Variants in CELF2 observed in about 807,000 individuals in gnomAD.
CELF2 encodes the protein CUGBP Elav-like family member 2.
A neutral mutation model predicts 62.6 loss-of-function variants in CELF2; 8 were observed. That is an observed-to-expected ratio of 0.13 (90% confidence interval 0.07 to 0.23). The LOEUF (loss-of-function observed/expected upper bound fraction) is 0.23, where lower values mean the gene tolerates loss of function less well. Among genes scored for constraint, CELF2 ranks in the 10% least tolerant of loss-of-function variants. The pLI is 1.00. For missense variants in CELF2, 333 were observed against 671.0 expected (o/e 0.50, Z 5.56); for synonymous variants, 258 against 250.0 (o/e 1.03, Z -0.30).
At chr10:10,503,287 T>A in the CELF2 span, among the ~76,000 whole-genome samples, 1,247 of 152,098 alleles carry the variant, frequency 8.2e-3, 21 homozygotes, top group African/African-American at 0.028. Context: ...CTTGCTAATT[T>A]TCTATCTAGT....
rs1035795348 is a variant in CELF2, at chr10:11,178,336, C to T, written c.271+12654C>T. Among the ~76,000 whole-genome samples the T allele has an allele frequency of 8.5e-5, 13 of 152,224 alleles. No homozygotes were observed. Among genetic ancestry groups the T allele is most frequent in the African/African-American group, 2.7e-4 (11 of 41,462 alleles). On this transcript the variant is annotated intron_variant, in intron 2 of 12. Transcript: ENST00000633077. This position sits in a 1 kb window ranked among gnomAD's most constrained non-coding sequence, Gnocchi z 4.3. ...GTGGCGCTGGCTCTTAGCTGTTCTG[C>T]AAGTCCAGCACAGGGTGTATTCAGC...
At chr10:10,706,351 G>C in the CELF2 span, among the ~76,000 whole-genome samples, 1 of 152,176 alleles carries the variant, frequency 6.6e-6, no homozygotes, top group Non-Finnish European at 1.5e-5. Context: ...GTGAATAAAT[G>C]AGTGAATGGA....
At chr10:11,213,005 A>G (rs2062315183) in intron 2 of CELF2, among the ~76,000 whole-genome samples, 1 of 152,220 alleles carries the variant, frequency 6.6e-6, no homozygotes, top group African/African-American at 2.4e-5. Context: ...AGCATTAAGC[A>G]GCAATGGGAG....
At chr10:10,858,487 A>T (rs757019815) in intron 1 of CELF2, among the ~76,000 whole-genome samples, 15 of 152,196 alleles carry the variant, frequency 9.9e-5, no homozygotes, top group Non-Finnish European at 2.9e-5. Context: ...CCTACCCATC[A>T]GAGAAGCCTT....
chr10:10,633,037 C>T, the CELF2 span, among the ~76,000 whole-genome samples: 1 of 152,176 alleles, frequency 6.6e-6, no homozygotes, highest in South Asian at 2.1e-4. Context: ...CATACCTTTC[C>T]TTAAACCAGT....
chr10:11,018,476 G>A (rs1429777585), intron 1 of CELF2, among the ~76,000 whole-genome samples: 5 of 151,030 alleles, frequency 3.3e-5, no homozygotes, highest in Non-Finnish European at 5.9e-5. Flanking sequence ...TCCCCGCGGG[G>A]TGAGTGGGGG....
At chr10:10,635,339 G>GA in the CELF2 span, among the ~76,000 whole-genome samples, 2 of 152,274 alleles carry the variant, frequency 1.3e-5, no homozygotes, top group South Asian at 2.1e-4. Context: ...TCCAGTTCTT[G>GA]AACATATCAG....
chr10:10,493,405 T>C, the CELF2 span, among the ~76,000 whole-genome samples: 11 of 152,036 alleles, frequency 7.2e-5, no homozygotes, highest in African/African-American at 2.7e-4. Context: ...CACTAAACTG[T>C]ACACCTAAAA....
At chr10:10,483,876 TTCTCTCTC>T in the CELF2 span, among the ~76,000 whole-genome samples, 4 of 150,238 alleles carry the variant, frequency 2.7e-5, no homozygotes, top group Non-Finnish European at 4.4e-5. Flanking sequence ...CCTTCCCTCC[TTCTCTCTC>T]TCTCGTCTCT....
At chr10:10,557,421 G>C in the CELF2 span, among the ~76,000 whole-genome samples, 4 of 147,536 alleles carry the variant, frequency 2.7e-5, no homozygotes, top group African/African-American at 7.7e-5. Flanking sequence ...GTACCATGCT[G>C]TTTTGGTTAC....
upstream of CELF2, chr10:11,005,190 A>T: frequency 6.9e-7 from 1 of 1,441,692 alleles, no homozygotes; most frequent in East Asian, 2.5e-5. The surrounding 1 kb of genome is among the most constrained non-coding windows in gnomAD (Gnocchi z 4.3). Context: ...GTGAATCTGC[A>T]GGAGCCCCCT....
chr10:10,472,934 A>G, the CELF2 span, among the ~76,000 whole-genome samples: 6 of 151,924 alleles, frequency 3.9e-5, no homozygotes, highest in Admixed American at 1.3e-4. Context: ...GGGTTCTTCT[A>G]TGAATTTTCT....
At chr10:11,024,911 T>C (rs1239271913) in intron 1 of CELF2, among the ~76,000 whole-genome samples, 2 of 152,232 alleles carry the variant, frequency 1.3e-5, no homozygotes, top group Non-Finnish European at 2.9e-5. Context: ...TACTCCCAAG[T>C]ACTTTGATTT....
At chr10:10,817,339 A>G (rs2056557189) in intron 1 of CELF2, among the ~76,000 whole-genome samples, 1 of 152,228 alleles carries the variant, frequency 6.6e-6, no homozygotes, top group Non-Finnish European at 1.5e-5. Flanking sequence ...CACTCTTTAA[A>G]TTATTTTAAA....
the CELF2 span, among the ~76,000 whole-genome samples, chr10:10,652,744 A>G: frequency 6.6e-6 from 1 of 152,270 alleles, no homozygotes; most frequent in Non-Finnish European, 1.5e-5. Context: ...GAAAGGAACA[A>G]TCGGTACCAG....
In CELF2 at chr10:11,139,385, T is replaced by C. The variant is rs1388606280; in HGVS notation, c.75-26101T>C. On this transcript the variant is annotated intron_variant, in intron 1 of 12. Transcript: ENST00000633077. ...CACAGTTCTAAATAGTTGAAAAGAG[T>C]GAGGAAAGAAATTCTGTTAAAATTC... Among the ~76,000 whole-genome samples, 4 of 152,112 alleles carry C rather than the reference T, an allele frequency of 2.6e-5. No homozygotes were observed. The East Asian group carries it at 7.7e-4, about 29-fold the overall frequency.
At chr10:10,612,870 C>T in the CELF2 span, among the ~76,000 whole-genome samples, 1 of 152,152 alleles carries the variant, frequency 6.6e-6, no homozygotes, top group African/African-American at 2.4e-5. Context: ...TAAAGCATTC[C>T]ATATAGTAAG....
chr10:11,028,718 C>CT (rs71378776), intron 1 of CELF2, among the ~76,000 whole-genome samples: 13,012 of 124,996 alleles, frequency 0.1, 1,307 homozygotes, highest in African/African-American at 0.26. Flanking sequence ...CGCACCCAGC[C>CT]TTTTTTTTTT....
the CELF2 span, among the ~76,000 whole-genome samples, chr10:10,727,793 G>GAAAGA: frequency 5.3e-5 from 8 of 150,738 alleles, no homozygotes; most frequent in Non-Finnish European, 4.4e-5. Flanking sequence ...AAAAAAGAAA[G>GAAAGA]AAAGAAAAGA....
Sources: allele counts gnomAD v4.1 joint callset (sites outside exome capture counted in the v4.1 genomes callset), GRCh38; gene constraint gnomAD v4.1.1; non-coding constraint Gnocchi (gnomAD v3.1); transcripts MANE v1.5; gene names NCBI Gene and HGNC (gene_info 2026-07-23, HGNC 2026-07-21).